The following IL19 variants were observed in gnomAD, a reference collection of about 807,000 sequenced individuals.
IL19 encodes interleukin-19.
In IL19, 15 loss-of-function variants were observed where a neutral mutation model predicts 19.5. That is an observed-to-expected ratio of 0.77 (90% confidence interval 0.52 to 1.19). The LOEUF (loss-of-function observed/expected upper bound fraction) is 1.19, where lower values mean the gene tolerates loss of function less well. IL19 is among the 50% of genes most tolerant of loss of function. The pLI is 0.00. For synonymous variants in IL19, 78 were observed against 78.3 expected, an observed-to-expected ratio of 1.00 and a Z score of 0.02; for missense variants, 199 against 213.1, an observed-to-expected ratio of 0.93 and a Z score of 0.41.
At chr1:206,822,863 G>A (rs975131895) in intron 2 of IL19, among the ~76,000 whole-genome samples, 2 of 152,154 alleles carry the variant, frequency 1.3e-5, no homozygotes, top group African/African-American at 4.8e-5. Context: ...GGTGGGCTCA[G>A]GTGGTTGCAG....
At position 206,842,963 on chromosome 1, in the gene IL19, T is replaced by C. The variant is rs1677069712; in HGVS notation, c.*341T>C. On this transcript the variant is annotated 3_prime_UTR_variant, in exon 7 of 7. Coordinates refer to ENST00000659997, the MANE Select transcript of IL19 (RefSeq NM_153758.5). ...TACTGAGTGGTTTTTCTGAATAAATTCCATATTTTACCTATGAATGGAAGG... is the reference window on the plus strand; with the variant it reads ...TACTGAGTGGTTTTTCTGAATAAATCCCATATTTTACCTATGAATGGAAGG... 6.1e-6 allele frequency: 1 copy of C among 163,358 alleles called. No individual in the cohort carries two copies. The highest frequency in any genetic ancestry group is 2.4e-5 in the African/African-American group (1 of 41,908). The allele number at this position is 163,358 out of a possible 1,614,324, so 10.1% of individuals were successfully genotyped here.
At chr1:206,830,916 C>T (rs1187226273) in intron 2 of IL19, among the ~76,000 whole-genome samples, 1 of 152,138 alleles carries the variant, frequency 6.6e-6, no homozygotes, top group African/African-American at 2.4e-5. Flanking sequence ...AGTCATACTT[C>T]TTCGTGTTTT....
intron 2 of IL19, among the ~76,000 whole-genome samples, chr1:206,811,053 T>C (rs1266509162): frequency 1.3e-5 from 2 of 152,234 alleles, no homozygotes; most frequent in African/African-American, 4.8e-5. Flanking sequence ...TAAACCTCTT[T>C]TCTTTATAAA....
chr1:206,771,978 C>G (rs1267470940), intron 1 of IL19, among the ~76,000 whole-genome samples: 1 of 152,242 alleles, frequency 6.6e-6, no homozygotes, highest in Non-Finnish European at 1.5e-5. Context: ...TTCTTTACTT[C>G]TCCTAGCCAA....
intron 2 of IL19, among the ~76,000 whole-genome samples, chr1:206,824,192 G>A (rs890583436): frequency 3.9e-5 from 6 of 152,184 alleles, no homozygotes; most frequent in Non-Finnish European, 8.8e-5. Flanking sequence ...AGGAGGCTCG[G>A]ACGGAGTTAA....
Position 206,841,007 on chromosome 1 carries a change from G to T in IL19, c.367G>T (p.Glu123Ter). Residue 123 changes from glutamate (E) to a stop codon, truncating the protein, a stop_gained, in exon 6 of 7, where the codon GAA becomes TAA. Transcript: ENST00000659997. LOFTEE classifies it high-confidence loss of function. The part of the protein sequence containing the change: ...YMQKTLRQCQ[E>*]QRQCHCRQEA... ...AGCTTCCTCCACTTTATCACAGCAGGAACAGAGGCAGTGTCACTGCAGGCA... is the reference window on the plus strand; with the variant it reads ...AGCTTCCTCCACTTTATCACAGCAGTAACAGAGGCAGTGTCACTGCAGGCA... The T allele has an allele frequency of 6.2e-7, 1 of 1,613,780 alleles. No homozygotes were observed. The highest frequency in any genetic ancestry group is 1.1e-5 in the South Asian group (1 of 91,060).
At chr1:206,815,897 G>C (rs1300667039) in intron 2 of IL19, among the ~76,000 whole-genome samples, 1 of 152,144 alleles carries the variant, frequency 6.6e-6, no homozygotes, top group African/African-American at 2.4e-5. Flanking sequence ...TGTACAGCAG[G>C]CCCTCGAATA....
At chr1:206,782,077 A>G (rs1017435477) in intron 1 of IL19, among the ~76,000 whole-genome samples, 1 of 147,596 alleles carries the variant, frequency 6.8e-6, no homozygotes, top group African/African-American at 2.5e-5. Flanking sequence ...GTAAACATTT[A>G]TCATATTAGA....
intron 2 of IL19, among the ~76,000 whole-genome samples, chr1:206,812,104 G>A (rs1676030037): frequency 6.6e-6 from 1 of 152,214 alleles, no homozygotes; most frequent in Non-Finnish European, 1.5e-5. Flanking sequence ...GTACCAGTTG[G>A]GAGATTACAG....
chr1:206,803,161 T>C (rs1372588588), intron 2 of IL19, among the ~76,000 whole-genome samples: 1 of 151,414 alleles, frequency 6.6e-6, no homozygotes, highest in African/African-American at 2.4e-5. Flanking sequence ...CCTTTTAAAA[T>C]AGCACCCCAG....
chr1:206,800,827 A>G (rs1675664078), intron 2 of IL19, among the ~76,000 whole-genome samples: 2 of 152,222 alleles, frequency 1.3e-5, no homozygotes, highest in South Asian at 4.1e-4. Context: ...TCCGGGAGGC[A>G]GTGGGTAAGT....
chr1:206,773,388 T>A (rs2102442023), intron 1 of IL19, among the ~76,000 whole-genome samples: 1 of 152,338 alleles, frequency 6.6e-6, no homozygotes, highest in East Asian at 1.9e-4. Context: ...AACCTTGGAT[T>A]AAATTGGCCT....
chr1:206,837,048 C>T (rs758185487), intron 4 of IL19, 25 bp downstream of exon 4: 9 of 1,581,380 alleles, frequency 5.7e-6, no homozygotes, highest in Non-Finnish European at 4.3e-6. Flanking sequence ...CTGCTTTTTC[C>T]AGTATTTTTA....
chr1:206,818,055 C>T (rs530417552), intron 2 of IL19, among the ~76,000 whole-genome samples: 1 of 152,274 alleles, frequency 6.6e-6, no homozygotes, highest in South Asian at 2.1e-4. Context: ...TGAGCCACCA[C>T]GCCCGGCCAA....
chr1:206,792,703 C>A (rs956630645), intron 1 of IL19, among the ~76,000 whole-genome samples: 2 of 152,144 alleles, frequency 1.3e-5, no homozygotes, highest in Non-Finnish European at 2.9e-5. Context: ...GATCCACCCG[C>A]CTCAGCCTCC....
intron 1 of IL19, among the ~76,000 whole-genome samples, chr1:206,771,835 T>G (rs1158012577): frequency 6.6e-6 from 1 of 152,256 alleles, no homozygotes. Flanking sequence ...AAGCTCCTTC[T>G]AATGCAGGTT....
rs117449515 is a variant in IL19 at position 206,835,400 on chromosome 1, G to A, written c.-2-1261G>A. Among the ~76,000 whole-genome samples the A allele has an allele frequency of 1.6e-3, 250 of 152,322 alleles. 5 individuals carry two copies. In the East Asian group the frequency reaches 0.046, roughly 28 times the overall value. On this transcript the variant is annotated intron_variant, in intron 2 of 6. Coordinates refer to ENST00000659997, the MANE Select transcript of IL19 (RefSeq NM_153758.5). ...CGTGGTAAGGTCTTGACATACACCT[G>A]TCTATTCCCTGGGAATGATGCCCAG...
At chr1:206,819,695 C>T (rs944054566) in intron 2 of IL19, among the ~76,000 whole-genome samples, 5 of 152,118 alleles carry the variant, frequency 3.3e-5, no homozygotes, top group African/African-American at 4.8e-5. Context: ...TAGAACATTT[C>T]TGCCATTAGA....
intron 1 of IL19, among the ~76,000 whole-genome samples, chr1:206,786,930 AACC>A (rs1377539783): frequency 6.6e-6 from 1 of 152,100 alleles, no homozygotes; most frequent in Non-Finnish European, 1.5e-5. Context: ...AGTTTTTCCA[AACC>A]ACCAAGCCAG....
Sources: gnomAD v4.1 joint callset for allele counts (sites outside exome capture counted in the v4.1 genomes callset) on GRCh38, gnomAD v4.1.1 for gene constraint, MANE v1.5 for transcripts, NCBI Gene and HGNC (gene_info 2026-07-23, HGNC 2026-07-21) for gene names.